The following LRMDA variants were observed in gnomAD, a reference collection of about 807,000 sequenced individuals.
LRMDA encodes leucine rich melanocyte differentiation associated.
Under a neutral mutation model 29.8 loss-of-function variants are expected in LRMDA, and 18 were observed. The observed-to-expected ratio is 0.60, with a 90% CI of 0.42 to 0.90. LRMDA has a LOEUF of 0.90. Among genes scored for constraint, LRMDA ranks in the 40% least tolerant of loss-of-function variants. LRMDA has a pLI of 0.00. For synonymous variants in LRMDA, 125 were observed against 109.4 expected (o/e 1.14, Z -0.89); for missense variants, 273 against 273.9 (o/e 1.00, Z 0.02).
At chr10:75,921,797 G>C (rs976953184) in intron 2 of LRMDA, among the ~76,000 whole-genome samples, 1 of 152,194 alleles carries the variant, frequency 6.6e-6, no homozygotes, top group African/African-American at 2.4e-5. Flanking sequence ...AGAAGCTCTT[G>C]TTGTGAGGAA....
chr10:76,410,666 G>T (rs1841950889), intron 6 of LRMDA, among the ~76,000 whole-genome samples: 1 of 151,738 alleles, frequency 6.6e-6, no homozygotes, highest in African/African-American at 2.4e-5. Context: ...TTATTACAAA[G>T]ATCATTCTGG....
At chr10:75,478,872 C>T (rs1011898903) in intron 2 of LRMDA, among the ~76,000 whole-genome samples, 1 of 152,182 alleles carries the variant, frequency 6.6e-6, no homozygotes, top group Non-Finnish European at 1.5e-5. Flanking sequence ...TCAGTCTGAT[C>T]TTTGCACTAC....
chr10:76,116,816 T>G (rs1321941691), intron 5 of LRMDA, among the ~76,000 whole-genome samples: 5 of 152,188 alleles, frequency 3.3e-5, no homozygotes, highest in Admixed American at 3.3e-4. Context: ...TGAGCCTGGC[T>G]TCTCTTCTTC....
intron 2 of LRMDA, among the ~76,000 whole-genome samples, chr10:75,769,671 T>A (rs563287182): frequency 4.6e-5 from 7 of 152,342 alleles, no homozygotes; most frequent in Middle Eastern, 6.8e-3. Context: ...TACCTTATTT[T>A]AAAAAAATTT....
At chr10:76,365,107 T>TATATATACATACACACAC (rs141131236) in intron 6 of LRMDA, among the ~76,000 whole-genome samples, 1 of 61,202 alleles carries the variant, frequency 1.6e-5, no homozygotes, top group Non-Finnish European at 4.3e-5. Flanking sequence ...TATATATATA[T>TATATATACATACACACAC]ACACACACAC....
At chr10:76,356,326 C>G (rs1386015992) in intron 6 of LRMDA, among the ~76,000 whole-genome samples, 1 of 152,102 alleles carries the variant, frequency 6.6e-6, no homozygotes, top group South Asian at 2.1e-4. Flanking sequence ...ACAGAGGTGT[C>G]AAAGTTTATT....
At chr10:76,170,510 A>G (rs557551186) in intron 5 of LRMDA, among the ~76,000 whole-genome samples, 1 of 152,346 alleles carries the variant, frequency 6.6e-6, no homozygotes, top group East Asian at 1.9e-4. Flanking sequence ...CTTTGACCTT[A>G]AGCAAGTCCG....
At chr10:75,984,041 C>T (rs964125452) in intron 2 of LRMDA, among the ~76,000 whole-genome samples, 3 of 152,124 alleles carry the variant, frequency 2.0e-5, no homozygotes, top group African/African-American at 4.8e-5. Context: ...AGCTCTAGGG[C>T]AGGGGGAGTG....
chr10:75,626,492 T>C (rs1841251599), intron 2 of LRMDA, among the ~76,000 whole-genome samples: 1 of 152,208 alleles, frequency 6.6e-6, no homozygotes, highest in Non-Finnish European at 1.5e-5. Flanking sequence ...CTGCTCTTCT[T>C]TGACCTCAGG....
At chr10:76,476,735 G>C (rs534892407) in intron 6 of LRMDA, among the ~76,000 whole-genome samples, 4 of 152,188 alleles carry the variant, frequency 2.6e-5, no homozygotes, top group African/African-American at 4.8e-5. Flanking sequence ...GGGATGCAAG[G>C]CTGGTTCAAC....
intron 1 of LRMDA, 50 bp downstream of exon 1, chr10:75,431,804 A>G: frequency 1.5e-6 from 2 of 1,310,508 alleles, no homozygotes; most frequent in Admixed American, 3.5e-5. Flanking sequence ...CCGCGTGGGG[A>G]GGGACAGCGG....
intron 6 of LRMDA, among the ~76,000 whole-genome samples, chr10:76,453,621 A>G (rs760221555): frequency 1.3e-5 from 2 of 152,202 alleles, no homozygotes. Context: ...GGTAACCACA[A>G]CAGCATGTTT....
At position 76,543,913 on chromosome 10, in the gene LRMDA, C is replaced by G. The variant is rs151091522; in HGVS notation, c.602-13296C>G. On this transcript the variant is annotated intron_variant, in intron 6 of 6. Transcript: ENST00000611255. ...GCTTCCTGGAGTCCTGAGCCCCCCC[C>G]AGGAGAGGTCATGTGGGCTTCTCCC... 3.5e-4 allele frequency among the ~76,000 whole-genome samples: 54 copies of G among 152,282 alleles called. 1 individual carries two copies. In the East Asian group the frequency reaches 9.9e-3, roughly 28 times the overall value.
intron 2 of LRMDA, among the ~76,000 whole-genome samples, chr10:75,813,463 A>C (rs1843999695): frequency 2.0e-5 from 3 of 152,328 alleles, no homozygotes; most frequent in African/African-American, 4.8e-5. Context: ...TTTCCATGCA[A>C]ACCAATAAAG....
chr10:76,152,785 T>A (rs1850468261), intron 5 of LRMDA, among the ~76,000 whole-genome samples: 1 of 152,186 alleles, frequency 6.6e-6, no homozygotes, highest in Non-Finnish European at 1.5e-5. Context: ...TTGAGCATCT[T>A]TTCATGTGCT....
chr10:76,309,609 G>A (rs987151890), intron 5 of LRMDA, among the ~76,000 whole-genome samples: 7 of 152,158 alleles, frequency 4.6e-5, no homozygotes, highest in African/African-American at 1.7e-4. Context: ...CTTATTACTA[G>A]GAATTTCCAA....
At chr10:75,588,223 A>G (rs1840679573) in intron 2 of LRMDA, among the ~76,000 whole-genome samples, 1 of 152,192 alleles carries the variant, frequency 6.6e-6, no homozygotes, top group African/African-American at 2.4e-5. Context: ...GTTACAATAT[A>G]GAACAGAGTG....
intron 2 of LRMDA, among the ~76,000 whole-genome samples, chr10:75,637,165 A>G (rs1023954460): frequency 3.3e-5 from 5 of 152,228 alleles, no homozygotes; most frequent in Non-Finnish European, 7.3e-5. Context: ...GATAGACGCT[A>G]CAGTTTCTCT....
intron 6 of LRMDA, among the ~76,000 whole-genome samples, chr10:76,544,237 T>G (rs918543420): frequency 6.6e-6 from 1 of 152,212 alleles, no homozygotes; most frequent in Non-Finnish European, 1.5e-5. Context: ...CGGAGCCAGA[T>G]GTATTCTATT....
Sources: allele counts gnomAD v4.1 joint callset (sites outside exome capture counted in the v4.1 genomes callset), GRCh38; gene constraint gnomAD v4.1.1; transcripts MANE v1.5; gene names NCBI Gene and HGNC (gene_info 2026-07-23, HGNC 2026-07-21).